PCDHGB1: variants seen among roughly 807,000 people sequenced by gnomAD.
The protein encoded by PCDHGB1 is protocadherin gamma subfamily B, 1, also known as protocadherin gamma-B1.
PCDHGB1 carries 34 observed loss-of-function variants against 56.6 expected under a neutral mutation model. The ratio of observed to expected loss-of-function variants is 0.60; its 90% CI spans 0.46 to 0.80. The LOEUF is 0.80. Ranked by LOEUF, PCDHGB1 falls within the 30% of genes least tolerant of loss-of-function variation. PCDHGB1 has a pLI of 0.00. For synonymous variants in PCDHGB1, 561 were observed against 505.9 expected (o/e 1.11, Z -1.46); for missense variants, 1,278 against 1,204.6 (o/e 1.06, Z -0.90).
At chr5:141,393,806 C>CA in intron 1 of PCDHGB1, 12 of 1,613,866 alleles carry the variant, frequency 7.4e-6, no homozygotes, top group Non-Finnish European at 1.0e-5. Flanking sequence ...TGGGGAGGAC[C>CA]AAATTGCTCA....
intron 1 of PCDHGB1, chr5:141,421,930 G>T (rs780569992): frequency 3.1e-6 from 5 of 1,613,480 alleles, no homozygotes; most frequent in Non-Finnish European, 4.2e-6. Context: ...GGTGGTCCTC[G>T]ATGTAAATGA....
intron 1 of PCDHGB1, chr5:141,404,365 C>G (rs1322773399): frequency 1.2e-6 from 2 of 1,613,818 alleles, no homozygotes; most frequent in Admixed American, 3.3e-5. Context: ...GTACTTCCAT[C>G]TTCTCCGTGA....
At chr5:141,418,944 C>T in intron 1 of PCDHGB1, 1 of 1,614,026 alleles carries the variant, frequency 6.2e-7, no homozygotes, top group Non-Finnish European at 8.5e-7. Context: ...GATTCCCCTC[C>T]AGGAGTGGTT....
intron 1 of PCDHGB1, chr5:141,362,026 G>A: frequency 6.2e-7 from 1 of 1,608,520 alleles, no homozygotes; most frequent in Non-Finnish European, 8.5e-7. Context: ...CACAGCGCGT[G>A]CCTTGGGCGA....
intron 1 of PCDHGB1, chr5:141,374,411 G>T: frequency 6.2e-7 from 1 of 1,614,036 alleles, no homozygotes. Flanking sequence ...TAACATCCTT[G>T]TCGAGGATAA....
intron 1 of PCDHGB1, chr5:141,355,814 A>T: frequency 6.2e-7 from 1 of 1,613,248 alleles, no homozygotes; most frequent in Non-Finnish European, 8.5e-7. Context: ...CGCGAGGAAG[A>T]GGCGGTTCAC....
intron 1 of PCDHGB1, chr5:141,375,000 A>AC (rs1771024393): frequency 6.2e-7 from 1 of 1,613,928 alleles, no homozygotes; most frequent in Non-Finnish European, 8.5e-7. Context: ...ACTTCTGCAA[A>AC]TCTAGACTAT....
At chr5:141,409,559 G>A (rs1421541308) in intron 1 of PCDHGB1, 1 of 1,613,936 alleles carries the variant, frequency 6.2e-7, no homozygotes, top group Admixed American at 1.7e-5. Context: ...CCCAGTTTTC[G>A]ACCAGACGTC....
At chr5:141,417,050 C>T (rs1420453271) in intron 1 of PCDHGB1, 3 of 151,552 alleles carry the variant, frequency 2.0e-5, no homozygotes, top group Non-Finnish European at 4.4e-5. Flanking sequence ...AAAAAAACTG[C>T]TCTTGACATT....
In PCDHGB1 at chr5:141,485,062, C is replaced by T. The variant is rs2099606141; in HGVS notation, c.2410-9745C>T. 2.3e-6 allele frequency: 2 copies of T among 876,222 alleles called. No individual in the cohort carries two copies. Among genetic ancestry groups the T allele is most frequent in the Non-Finnish European group, 3.6e-6 (2 of 552,684 alleles). 54.3% of individuals were successfully genotyped at this position (876,222 alleles called of 1,614,324 possible). ...CCTTGCGGCGCCGGCCGAACCGCGCCAGAGCTGGCGCGGGGAAAGGGAGAT... is the reference window on the plus strand; with the variant it reads ...CCTTGCGGCGCCGGCCGAACCGCGCTAGAGCTGGCGCGGGGAAAGGGAGAT... On this transcript the variant is annotated intron_variant, in intron 1 of 3. Coordinates refer to ENST00000523390, the MANE Select transcript of PCDHGB1 (RefSeq NM_018922.3). The surrounding 1 kb of genome is among the most constrained non-coding windows in gnomAD (Gnocchi z 5.7).
intron 1 of PCDHGB1, chr5:141,376,190 G>T: frequency 6.2e-7 from 1 of 1,614,116 alleles, no homozygotes; most frequent in African/African-American, 1.3e-5. Flanking sequence ...GGTCTCCTGC[G>T]TCTTCCTGGC....
At chr5:141,428,002 T>G in intron 1 of PCDHGB1, 1 of 1,601,328 alleles carries the variant, frequency 6.2e-7, no homozygotes, top group Non-Finnish European at 8.5e-7. Context: ...TCCGCACTCT[T>G]CGATATAGTG....
intron 1 of PCDHGB1, among the ~76,000 whole-genome samples, chr5:141,464,966 T>C (rs192224238): frequency 1.2e-3 from 178 of 152,274 alleles, no homozygotes; most frequent in Middle Eastern, 3.4e-3. Flanking sequence ...TGTCTTGAAC[T>C]ACTGGCTTCA....
At position 141,376,322 on chromosome 5, in the gene PCDHGB1, C is replaced by A. The variant is rs750074970; in HGVS notation, c.2409+23653C>A. On this transcript the variant is annotated intron_variant, in intron 1 of 3. Transcript: ENST00000523390. ...GCACTTTGTGGGCGTGGAAGGGGTTCGGGCTTTCCTGCAGACCTATTCCCA... is the reference window on the plus strand; with the variant it reads ...GCACTTTGTGGGCGTGGAAGGGGTTAGGGCTTTCCTGCAGACCTATTCCCA... The A allele has an allele frequency of 9.3e-6, 15 of 1,614,056 alleles. No individual in the cohort carries two copies. The Admixed American group carries it at 1.2e-4, about 13-fold the overall frequency.
In PCDHGB1 at chr5:141,384,503, A is replaced by T. The variant is rs761415530; in HGVS notation, c.2409+31834A>T. On this transcript the variant is annotated intron_variant, in intron 1 of 3. Coordinates refer to ENST00000523390, the MANE Select transcript of PCDHGB1 (RefSeq NM_018922.3). ...GAACTACAACTAAGAGTGACTGCACATGACAGCGGGGACCCGCCTCTCAGC... is the reference window on the plus strand; with the variant it reads ...GAACTACAACTAAGAGTGACTGCACTTGACAGCGGGGACCCGCCTCTCAGC... 155 of 1,614,074 alleles carry T rather than the reference A, an allele frequency of 9.6e-5. No individual in the cohort carries two copies. Among genetic ancestry groups the T allele is most frequent in the Non-Finnish European group, 1.3e-4 (153 of 1,180,026 alleles).
intron 1 of PCDHGB1, among the ~76,000 whole-genome samples, chr5:141,407,505 T>TTTTTTTTTTTTTTTTTTTTTTTGAG (rs1460306566): frequency 6.6e-6 from 1 of 152,146 alleles, no homozygotes; most frequent in Non-Finnish European, 1.5e-5. Context: ...CTGTTTTTCT[T>TTTTTTTTTTTTTTTTTTTTTTTGAG]AGGCTATGTA....
intron 1 of PCDHGB1, chr5:141,399,855 C>A (rs773247537): frequency 2.5e-6 from 4 of 1,612,892 alleles, no homozygotes; most frequent in Non-Finnish European, 2.5e-6. Context: ...TGGTGCCGCG[C>A]GCTGCAGAGC....
At chr5:141,394,937 C>A in intron 1 of PCDHGB1, 1 of 1,613,806 alleles carries the variant, frequency 6.2e-7, no homozygotes, top group Non-Finnish European at 8.5e-7. Context: ...TCGCCTTTGT[C>A]GCTGTGCTTC....
intron 1 of PCDHGB1, among the ~76,000 whole-genome samples, chr5:141,482,757 T>G: frequency 7.9e-6 from 1 of 127,194 alleles, no homozygotes; most frequent in Admixed American, 7.7e-5. Flanking sequence ...GATTATGGTA[T>G]TTCATTATCA....
Sources: gnomAD v4.1 joint callset for allele counts (sites outside exome capture counted in the v4.1 genomes callset) on GRCh38, gnomAD v4.1.1 for gene constraint, Gnocchi (gnomAD v3.1) non-coding constraint, MANE v1.5 for transcripts, NCBI Gene and HGNC (gene_info 2026-07-23, HGNC 2026-07-21) for gene names.